Variants in DCDC1 observed in about 807,000 individuals in gnomAD.
DCDC1 encodes doublecortin domain-containing protein 1.
DCDC1 carries 200 observed loss-of-function variants against 178.3 expected under a neutral mutation model. The ratio of observed to expected loss-of-function variants is 1.12; its 90% CI spans 1.00 to 1.26. The LOEUF is 1.26. Among genes scored for constraint, DCDC1 ranks in the 50% most tolerant of loss-of-function variants. DCDC1 has a pLI of 0.00. For missense variants in DCDC1, 1,983 were observed against 1,749.2 expected, an observed-to-expected ratio of 1.13 and a Z score of -2.38; for synonymous variants, 690 against 604.8, an observed-to-expected ratio of 1.14 and a Z score of -2.07.
intron 29 of DCDC1, among the ~76,000 whole-genome samples, 193 bp downstream of exon 29, chr11:30,908,753 C>T (rs1297372921): frequency 6.6e-6 from 1 of 152,070 alleles, no homozygotes; most frequent in African/African-American, 2.4e-5. Context: ...ATATAAACTA[C>T]CTAATTCTTT....
chr11:30,890,758 A>G (rs575534915), intron 36 of DCDC1, among the ~76,000 whole-genome samples: 1 of 152,208 alleles, frequency 6.6e-6, no homozygotes, highest in African/African-American at 2.4e-5. Context: ...GCAGAACTTA[A>G]CTCCACATGC....
At chr11:30,953,675 A>G (rs1247162093) in intron 20 of DCDC1, among the ~76,000 whole-genome samples, 1 of 152,156 alleles carries the variant, frequency 6.6e-6, no homozygotes, top group East Asian at 1.9e-4. Flanking sequence ...TCAGTTTGGC[A>G]GTTCTTCAGA....
intron 23 of DCDC1, 30 bp downstream of exon 23, chr11:30,925,279 A>T (rs764535341): frequency 6.4e-7 from 1 of 1,573,984 alleles, no homozygotes; most frequent in Non-Finnish European, 8.7e-7. Context: ...TAATAAATTA[A>T]TATTGCCAGT....
chr11:31,135,662 G>T (rs1963040149), intron 10 of DCDC1, among the ~76,000 whole-genome samples: 1 of 152,082 alleles, frequency 6.6e-6, no homozygotes. Context: ...ACATGAATAT[G>T]TATTCTCCTC....
At chr11:31,290,926 C>A in intron 6 of DCDC1, 74 bp from the exon 7 acceptor site, 1 of 1,321,464 alleles carries the variant, frequency 7.6e-7, no homozygotes, top group East Asian at 2.4e-5. Context: ...ACTTCCCTCC[C>A]TCTATTACCT....
intron 29 of DCDC1, 146 bp downstream of exon 29, chr11:30,908,800 A>T: frequency 1.8e-6 from 1 of 560,000 alleles, no homozygotes; most frequent in Non-Finnish European, 2.8e-6. Context: ...TCCTACCAGA[A>T]TCAGAGTCTA....
intron 20 of DCDC1, among the ~76,000 whole-genome samples, chr11:30,958,324 G>A (rs968859117): frequency 2.0e-5 from 3 of 152,066 alleles, no homozygotes; most frequent in Admixed American, 6.6e-5. Flanking sequence ...TCACAGAAGA[G>A]GTTCTCAACA....
intron 20 of DCDC1, among the ~76,000 whole-genome samples, chr11:30,990,531 G>A (rs1458286357): frequency 3.3e-5 from 5 of 152,130 alleles, no homozygotes; most frequent in African/African-American, 1.2e-4. Context: ...GTGAAACACT[G>A]GAGACACTCA....
intron 20 of DCDC1, among the ~76,000 whole-genome samples, chr11:31,007,994 G>C (rs1283517523): frequency 1.3e-5 from 2 of 152,124 alleles, no homozygotes; most frequent in Non-Finnish European, 2.9e-5. Context: ...TGACAGTAGA[G>C]GAGTCATGAT....
intron 9 of DCDC1, among the ~76,000 whole-genome samples, chr11:31,238,307 C>T (rs1197393642): frequency 6.6e-6 from 1 of 152,048 alleles, no homozygotes; most frequent in Admixed American, 6.6e-5. Flanking sequence ...CAGTGTTTCT[C>T]AACAGACTGC....
Position 31,008,808 on chromosome 11 carries a change from G to A in DCDC1, c.2591+55661C>T, listed in dbSNP as rs1016297076. Reference sequence around the variant, plus strand: ...GATTCTACATGTTTTAAACTGGCAAGAGCAAAGGCATATTTTTCATTTATT... The same window carrying A: ...GATTCTACATGTTTTAAACTGGCAAAAGCAAAGGCATATTTTTCATTTATT... On this transcript the variant is annotated intron_variant, in intron 20 of 38. Transcript: ENST00000684477. 2.6e-5 allele frequency among the ~76,000 whole-genome samples: 4 copies of A among 152,042 alleles called. No homozygotes were observed. In the East Asian group the frequency reaches 7.7e-4, roughly 29 times the overall value.
At chr11:31,073,462 A>G (rs548912037) in intron 18 of DCDC1, among the ~76,000 whole-genome samples, 4 of 152,284 alleles carry the variant, frequency 2.6e-5, no homozygotes, top group South Asian at 4.1e-4. Flanking sequence ...TGAGATTTAG[A>G]TAAGATGGAA....
At chr11:31,071,943 C>A (rs1956592358) in intron 18 of DCDC1, among the ~76,000 whole-genome samples, 1 of 152,196 alleles carries the variant, frequency 6.6e-6, no homozygotes, top group Non-Finnish European at 1.5e-5. Context: ...TGAGTTAGAA[C>A]TACCCAAGTA....
intron 15 of DCDC1, among the ~76,000 whole-genome samples, chr11:31,096,303 C>T (rs1958148201): frequency 6.6e-6 from 1 of 152,188 alleles, no homozygotes; most frequent in Admixed American, 6.5e-5. Context: ...CTACATTGTA[C>T]TAATCCATTT....
At chr11:30,897,537 C>G (rs1388126446) in intron 34 of DCDC1, among the ~76,000 whole-genome samples, 2 of 142,074 alleles carry the variant, frequency 1.4e-5, no homozygotes, top group African/African-American at 5.3e-5. Flanking sequence ...GAGCTGAGAT[C>G]GCACCGCTGG....
intron 8 of DCDC1, among the ~76,000 whole-genome samples, chr11:31,246,597 C>G (rs975713077): frequency 6.6e-6 from 1 of 151,780 alleles, no homozygotes; most frequent in Admixed American, 6.6e-5. Flanking sequence ...TGAGCTAGTG[C>G]CAAGGTATGT....
intron 20 of DCDC1, among the ~76,000 whole-genome samples, chr11:31,035,048 G>GT (rs1953934829): frequency 6.6e-6 from 1 of 152,122 alleles, no homozygotes; most frequent in African/African-American, 2.4e-5. Flanking sequence ...GCAGATTCTA[G>GT]TTTTTGTGAT....
chr11:30,948,635 T>C (rs1590493302), intron 21 of DCDC1, among the ~76,000 whole-genome samples: 1 of 152,156 alleles, frequency 6.6e-6, no homozygotes, highest in Non-Finnish European at 1.5e-5. Context: ...CAAAACAGCA[T>C]GGTACTGCTA....
intron 37 of DCDC1, among the ~76,000 whole-genome samples, chr11:30,878,947 G>C (rs1272531241): frequency 2.0e-5 from 3 of 152,090 alleles, no homozygotes; most frequent in Non-Finnish European, 4.4e-5. Flanking sequence ...TACAAAGCCT[G>C]AATTGGAAGC....
Sources: gnomAD v4.1 joint callset for allele counts (sites outside exome capture counted in the v4.1 genomes callset) on GRCh38, gnomAD v4.1.1 for gene constraint, MANE v1.5 for transcripts, NCBI Gene and HGNC (gene_info 2026-07-23, HGNC 2026-07-21) for gene names.